Variants in COL9A1 observed in about 807,000 individuals in gnomAD.
COL9A1 encodes the protein collagen type IX alpha 1 chain.
COL9A1 carries 104 observed loss-of-function variants against 142.6 expected under a neutral mutation model. The observed-to-expected ratio is 0.73, with a 90% CI of 0.62 to 0.86. The LOEUF (loss-of-function observed/expected upper bound fraction) is 0.86. Among genes scored for constraint, COL9A1 ranks in the 40% least tolerant of loss-of-function variants. The probability of loss-of-function intolerance (pLI) is 0.00; values close to 1 mark genes in which losing one functional copy is unlikely to be tolerated. For synonymous variants in COL9A1, 466 were observed against 396.0 expected (o/e 1.18, Z -2.10); for missense variants, 1,210 against 1,176.6 (o/e 1.03, Z -0.42).
At chr6:70,275,806 C>A (rs983738282) in intron 10 of COL9A1, among the ~76,000 whole-genome samples, 6 of 151,954 alleles carry the variant, frequency 3.9e-5, no homozygotes, top group Admixed American at 3.9e-4. Context: ...TAAACCCTTT[C>A]TATTATCAAG....
chr6:70,296,368 C>T (rs565644287), intron 4 of COL9A1, among the ~76,000 whole-genome samples: 1 of 152,114 alleles, frequency 6.6e-6, no homozygotes, highest in African/African-American at 2.4e-5. Context: ...TTTCAGTTCA[C>T]TACCTATGTT....
At chr6:70,294,078 C>T in intron 5 of COL9A1, 89 bp downstream of exon 5, 2 of 1,528,134 alleles carry the variant, frequency 1.3e-6, no homozygotes, top group Non-Finnish European at 1.8e-6. Flanking sequence ...ACATGCTGCA[C>T]TCAGCTGATT....
chr6:70,303,027 T>C lies in COL9A1; in HGVS notation c.-103A>G, dbSNP rs576987180. The C allele has an allele frequency of 7.1e-5, 90 of 1,271,958 alleles. No individual in the cohort carries two copies. In the Middle Eastern group the frequency reaches 1.0e-3, roughly 14 times the overall value. 78.8% of individuals were successfully genotyped at this position (1,271,958 alleles called of 1,614,324 possible). Reference sequence around the variant, plus strand: ...CCCCTTCACTGTTACCCTAGGACTATGTGTTCTGGGCCCAGCCTTGGTCCC... The same window carrying C: ...CCCCTTCACTGTTACCCTAGGACTACGTGTTCTGGGCCCAGCCTTGGTCCC... On this transcript the variant is annotated 5_prime_UTR_variant, in exon 1 of 38. Coordinates refer to ENST00000357250, the MANE Select transcript of COL9A1 (RefSeq NM_001851.6).
At position 70,235,512 on chromosome 6, in the gene COL9A1, G is replaced by A. The variant is rs560244539; in HGVS notation, c.2113-572C>T. ...TCGGGGATAGTTATTCTTGCAAAACGTTTATTGGAATACTACATTTTTTAA... is the reference window on the plus strand; with the variant it reads ...TCGGGGATAGTTATTCTTGCAAAACATTTATTGGAATACTACATTTTTTAA... On this transcript the variant is annotated intron_variant, in intron 33 of 37. Transcript: ENST00000357250. Among the ~76,000 whole-genome samples, 7 of 152,018 alleles carry A rather than the reference G, an allele frequency of 4.6e-5. No homozygotes were observed. In the East Asian group the frequency reaches 5.8e-4, roughly 13 times the overall value.
intron 5 of COL9A1, among the ~76,000 whole-genome samples, chr6:70,288,590 A>G (rs73475874): frequency 0.019 from 2,951 of 152,066 alleles, 80 homozygotes; most frequent in African/African-American, 0.067. Context: ...TACCTCTCCA[A>G]CCTCAATACT....
intron 5 of COL9A1, among the ~76,000 whole-genome samples, chr6:70,290,900 C>G (rs1773634181): frequency 6.6e-6 from 1 of 152,022 alleles, no homozygotes; most frequent in South Asian, 2.1e-4. Flanking sequence ...TATGCTATTT[C>G]ATTTTCATTT....
intron 35 of COL9A1, 36 bp downstream of exon 35, chr6:70,234,500 TTGA>T (rs2127559388): frequency 1.9e-6 from 3 of 1,602,426 alleles, no homozygotes; most frequent in Non-Finnish European, 8.6e-7. Flanking sequence ...GAAACAAGAG[TTGA>T]TGGTGGAAAA....
chr6:70,252,832 C>A (rs933868467), intron 26 of COL9A1, among the ~76,000 whole-genome samples: 2 of 152,150 alleles, frequency 1.3e-5, no homozygotes, highest in Non-Finnish European at 1.5e-5. Flanking sequence ...CGCTGCAGAC[C>A]ACTGTGACTG....
chr6:70,216,080 CTTCTT>C (rs1176806040), downstream of COL9A1: 1 of 152,550 alleles, frequency 6.6e-6, no homozygotes, highest in Non-Finnish European at 1.5e-5. Context: ...AGCTCAGTAA[CTTCTT>C]TTCATTGAAC....
chr6:70,263,708 A>G (rs1425059327), intron 18 of COL9A1, among the ~76,000 whole-genome samples: 1 of 151,888 alleles, frequency 6.6e-6, no homozygotes, highest in Non-Finnish European at 1.5e-5. Context: ...TATACTATGA[A>G]AACTTTTTTG....
At chr6:70,240,264 T>G (rs1461403096) in intron 32 of COL9A1, among the ~76,000 whole-genome samples, 1 of 152,198 alleles carries the variant, frequency 6.6e-6, no homozygotes, top group Non-Finnish European at 1.5e-5. Flanking sequence ...TTGGTCAGAT[T>G]TGTGAGTCAC....
At chr6:70,284,958 C>T (rs1034431780) in intron 5 of COL9A1, among the ~76,000 whole-genome samples, 1 of 152,136 alleles carries the variant, frequency 6.6e-6, no homozygotes, top group Non-Finnish European at 1.5e-5. Context: ...GATCACTGGA[C>T]AGAAGATCAA....
At chr6:70,253,059 C>A (rs1486871528) in intron 26 of COL9A1, among the ~76,000 whole-genome samples, 1 of 151,818 alleles carries the variant, frequency 6.6e-6, no homozygotes, top group Non-Finnish European at 1.5e-5. Context: ...GCTGAATCAT[C>A]CTAATAATAG....
intron 12 of COL9A1, among the ~76,000 whole-genome samples, chr6:70,272,325 C>CT (rs34456949): frequency 1.3e-4 from 20 of 149,036 alleles, no homozygotes; most frequent in East Asian, 3.9e-4. Context: ...TTTTTCCAAA[C>CT]TTTTTTTTTT....
chr6:70,220,988 C>T (rs1212149945), intron 37 of COL9A1, among the ~76,000 whole-genome samples: 1 of 152,142 alleles, frequency 6.6e-6, no homozygotes, highest in East Asian at 1.9e-4. Flanking sequence ...TTACCCTAAT[C>T]TGGTCATTAT....
rs755389685 is a variant in COL9A1, at chr6:70,281,463, C to T, written c.803G>A (p.Arg268Lys). Residue 268 changes from arginine to lysine, a missense_variant and splice_region_variant, in exon 8 of 38, where the codon AGA becomes AAA. By Grantham distance (26) the Arg-to-Lys change is conservative. Transcript: ENST00000357250. ...RITPSQTTDE[R>K]GPPGEQGPPG... The stretch of plus-strand genomic sequence containing the variant: ...AGGACCCTGCTCACCCGGGGGACCT[C>T]TCTGGCAAAAATAGCAGACATAGGT... The T allele has an allele frequency of 5.6e-6, 9 of 1,610,972 alleles. No individual in the cohort carries two copies. In the African/African-American group the frequency reaches 9.4e-5, roughly 17 times the overall value.
chr6:70,256,102 T>A (rs1771272749), intron 21 of COL9A1, among the ~76,000 whole-genome samples: 2 of 152,200 alleles, frequency 1.3e-5, no homozygotes. Context: ...GCCACCCCTG[T>A]ACTTTGCTGT....
At chr6:70,293,919 A>G (rs951421714) in intron 5 of COL9A1, among the ~76,000 whole-genome samples, 1 of 152,124 alleles carries the variant, frequency 6.6e-6, no homozygotes, top group Non-Finnish European at 1.5e-5. Flanking sequence ...TGTGTACACA[A>G]TATGTGCCAC....
At chr6:70,282,195 G>T (rs759107575) in intron 7 of COL9A1, among the ~76,000 whole-genome samples, 38 of 152,288 alleles carry the variant, frequency 2.5e-4, no homozygotes, top group Non-Finnish European at 4.9e-4. Context: ...GGAATGTGGG[G>T]CTGTTTTTAC....
Sources: allele counts gnomAD v4.1 joint callset (sites outside exome capture counted in the v4.1 genomes callset), GRCh38; gene constraint gnomAD v4.1.1; transcripts MANE v1.5; gene names NCBI Gene and HGNC (gene_info 2026-07-23, HGNC 2026-07-21).